Variants in PTPRZ1 observed in about 807,000 individuals in gnomAD.
PTPRZ1 encodes protein tyrosine phosphatase receptor type Z1.
In PTPRZ1, 82 loss-of-function variants were observed where a neutral mutation model predicts 214.1. The ratio of observed to expected loss-of-function variants is 0.38; its 90% CI spans 0.32 to 0.46. The LOEUF is 0.46. Ranked by LOEUF, PTPRZ1 falls within the 20% of genes least tolerant of loss-of-function variation. The pLI is 1.00. For missense variants in PTPRZ1, 2,603 were observed against 2,748.7 expected (o/e 0.95, Z 1.19); for synonymous variants, 945 against 987.9 (o/e 0.96, Z 0.81).
chr7:122,019,143 T>C lies in PTPRZ1; in HGVS notation c.4863T>C (p.His1621=), dbSNP rs1798937781. The C allele has an allele frequency of 6.2e-7, 1 of 1,611,892 alleles. No individual in the cohort carries two copies. Among genetic ancestry groups the C allele is most frequent in the Middle Eastern group, 1.7e-4 (1 of 6,052 alleles). Residue 1621 remains histidine (H), a synonymous_variant, in exon 13 of 30, where the codon CAT becomes CAC. Coordinates refer to ENST00000393386, the MANE Select transcript of PTPRZ1 (RefSeq NM_002851.3). ...VSEAEASNSS[H]ESRIGLAEGL... Reference sequence around the variant, plus strand: ...CTACAGAGGCCAGTAATAGTAGCCATGAGTCTCGTATTGGTCTAGCTGAGG... The same window carrying C: ...CTACAGAGGCCAGTAATAGTAGCCACGAGTCTCGTATTGGTCTAGCTGAGG...
chr7:122,020,558 A>G (rs1002487149), intron 13 of PTPRZ1, among the ~76,000 whole-genome samples: 1 of 152,144 alleles, frequency 6.6e-6, no homozygotes, highest in African/African-American at 2.4e-5. Context: ...AGTAAAAGCT[A>G]TTGGATGTTT....
At chr7:122,030,665 G>C (rs577928805) in intron 14 of PTPRZ1, among the ~76,000 whole-genome samples, 3 of 151,864 alleles carry the variant, frequency 2.0e-5, no homozygotes. Flanking sequence ...CTGAACATCT[G>C]TTGCTATAAA....
At chr7:121,891,526 C>CT (rs1474045132) in intron 1 of PTPRZ1, among the ~76,000 whole-genome samples, 4 of 77,634 alleles carry the variant, frequency 5.2e-5, no homozygotes, top group African/African-American at 1.5e-4. Flanking sequence ...ATCACTGCTT[C>CT]TTTTTTTAGC....
At chr7:121,936,442 A>G (rs539369497) in intron 2 of PTPRZ1, among the ~76,000 whole-genome samples, 45 of 152,354 alleles carry the variant, frequency 3.0e-4, no homozygotes, top group Admixed American at 1.1e-3. Context: ...CAAACTATTA[A>G]AGAATTAAAG....
rs1283307354 is a variant in PTPRZ1 at position 122,012,382 on chromosome 7, T to C, written c.3336T>C (p.Asp1112=). 1 of 1,613,994 alleles carries C rather than the reference T, an allele frequency of 6.2e-7. No individual in the cohort carries two copies. The highest frequency in any genetic ancestry group is 2.2e-5 in the East Asian group (1 of 44,870). ...CTCATACCACCACTAAGGTTTTTGA[T>C]CATGAGATTAGTCAAGTTCCAGAAA... The part of the protein sequence containing the change: ...SLAHTTTKVF[D]HEISQVPENN... Residue 1112 remains aspartate, a synonymous_variant, in exon 12 of 30, where the codon GAT becomes GAC. Transcript: ENST00000393386.
intron 8 of PTPRZ1, among the ~76,000 whole-genome samples, chr7:121,992,104 A>C (rs1797984537): frequency 6.6e-6 from 1 of 152,192 alleles, no homozygotes; most frequent in Non-Finnish European, 1.5e-5. Flanking sequence ...AGTGAGACCT[A>C]GTGTAGTCTC....
intron 2 of PTPRZ1, among the ~76,000 whole-genome samples, chr7:121,951,512 G>A (rs918047762): frequency 3.3e-5 from 5 of 152,178 alleles, no homozygotes; most frequent in African/African-American, 1.2e-4. Flanking sequence ...AAACTATAGC[G>A]AACAGAGAAT....
chr7:122,052,494 C>T (rs1405513465), intron 25 of PTPRZ1, among the ~76,000 whole-genome samples: 1 of 152,156 alleles, frequency 6.6e-6, no homozygotes, highest in East Asian at 1.9e-4. Context: ...AGCTTGGCTT[C>T]TGATGAAAAC....
Position 122,038,773 on chromosome 7 carries a change from G to A in PTPRZ1, c.5386G>A (p.Ala1796Thr). 6.8e-6 allele frequency: 11 copies of A among 1,613,694 alleles called. No individual in the cohort carries two copies. Among genetic ancestry groups the A allele is most frequent in the Non-Finnish European group, 9.3e-6 (11 of 1,179,750 alleles). The part of the protein sequence containing the change: ...NYVDGYNRPK[A>T]YIAAQGPLKS... ...TCTTCAGGGCTACAACAGACCAAAAGCTTATATTGCTGCCCAAGGCCCACT... is the reference window on the plus strand; with the variant it reads ...TCTTCAGGGCTACAACAGACCAAAAACTTATATTGCTGCCCAAGGCCCACT... Residue 1796 changes from alanine to threonine, a missense_variant, in exon 19 of 30, where the codon GCT becomes ACT. This residue lies in a region of PTPRZ1 where 1,913 missense variants were observed against 1,914.3 expected (regional missense o/e 1.00). Coordinates refer to ENST00000393386, the MANE Select transcript of PTPRZ1 (RefSeq NM_002851.3).
intron 15 of PTPRZ1, among the ~76,000 whole-genome samples, chr7:122,032,926 TAACTC>T (rs1194169475): frequency 1.3e-5 from 2 of 152,128 alleles, no homozygotes; most frequent in Non-Finnish European, 2.9e-5. Context: ...GCTATAGTGT[TAACTC>T]AATGTTAATT....
intron 1 of PTPRZ1, among the ~76,000 whole-genome samples, chr7:121,920,964 A>G (rs1303814393): frequency 6.6e-6 from 1 of 152,106 alleles, no homozygotes; most frequent in Non-Finnish European, 1.5e-5. Flanking sequence ...TTTATTATAT[A>G]TAAATATATA....
chr7:122,030,788 G>GA (rs985460790), intron 14 of PTPRZ1, among the ~76,000 whole-genome samples: 17 of 150,116 alleles, frequency 1.1e-4, no homozygotes, highest in Non-Finnish European at 2.1e-4. Flanking sequence ...TCCAGGAAAA[G>GA]AAAAAAAAAT....
At chr7:122,028,108 T>C (rs528222950) in intron 13 of PTPRZ1, 1 of 159,300 alleles carries the variant, frequency 6.3e-6, no homozygotes, top group Non-Finnish European at 1.4e-5. Flanking sequence ...CAGCTGTATA[T>C]GCTAAGAAGA....
chr7:121,895,963 T>A (rs1338842808), intron 1 of PTPRZ1, among the ~76,000 whole-genome samples: 1 of 152,182 alleles, frequency 6.6e-6, no homozygotes. Flanking sequence ...TCGCCAAGTG[T>A]TACCAGGCTC....
chr7:121,981,387 A>C (rs1797608193), intron 6 of PTPRZ1, among the ~76,000 whole-genome samples: 1 of 151,880 alleles, frequency 6.6e-6, no homozygotes, highest in East Asian at 1.9e-4. Flanking sequence ...ACTGCTCTAC[A>C]CTCCGCCACC....
At chr7:121,909,380 T>A (rs1795206240) in intron 1 of PTPRZ1, among the ~76,000 whole-genome samples, 1 of 150,518 alleles carries the variant, frequency 6.6e-6, no homozygotes, top group Non-Finnish European at 1.5e-5. Flanking sequence ...TGGAACGAGT[T>A]CCAGTCCAAC....
At chr7:121,873,610 G>A (rs1793953701) in intron 1 of PTPRZ1, 53 bp downstream of exon 1, 2 of 1,597,186 alleles carry the variant, frequency 1.3e-6, no homozygotes, top group Non-Finnish European at 8.6e-7. Context: ...TGGGATGAGG[G>A]TGGGAGCATT....
At chr7:122,058,329 G>C (rs1027835399) in intron 27 of PTPRZ1, among the ~76,000 whole-genome samples, 1 of 152,036 alleles carries the variant, frequency 6.6e-6, no homozygotes, top group Non-Finnish European at 1.5e-5. Context: ...ATTGGGATCC[G>C]AGTTGAACCT....
intron 22 of PTPRZ1, among the ~76,000 whole-genome samples, chr7:122,043,775 G>A (rs994584481): frequency 4.6e-5 from 7 of 152,136 alleles, no homozygotes; most frequent in African/African-American, 1.7e-4. Context: ...GATGGCAGGA[G>A]GGAGAGAATC....
Sources: gnomAD v4.1 joint callset for allele counts (sites outside exome capture counted in the v4.1 genomes callset) on GRCh38, gnomAD v4.1.1 for gene constraint, gnomAD v4.1.1 regional missense constraint, MANE v1.5 for transcripts, NCBI Gene and HGNC (gene_info 2026-07-23, HGNC 2026-07-21) for gene names.